The following SHC4 variants were observed in gnomAD, a reference collection of about 807,000 sequenced individuals.
SHC4 encodes the protein SHC adaptor protein 4.
SHC4 carries 41 observed loss-of-function variants against 69.4 expected under a neutral mutation model. The ratio of observed to expected loss-of-function variants is 0.59; its 90% CI spans 0.46 to 0.77. The LOEUF (loss-of-function observed/expected upper bound fraction) is 0.77. SHC4 is among the 30% of genes least tolerant of loss of function. The pLI, the probability that SHC4 is intolerant of heterozygous loss-of-function variation, is 0.00. For missense variants in SHC4, 777 were observed against 783.8 expected, an observed-to-expected ratio of 0.99 and a Z score of 0.10; for synonymous variants, 318 against 299.3, an observed-to-expected ratio of 1.06 and a Z score of -0.64.
intron 4 of SHC4, among the ~76,000 whole-genome samples, chr15:48,872,420 A>G (rs754840394): frequency 4.4e-4 from 67 of 152,314 alleles, no homozygotes; most frequent in Middle Eastern, 6.8e-3. Context: ...AGAGCCAATC[A>G]ATGTATTTTG....
chr15:48,861,166 G>T (rs567135234), intron 6 of SHC4, among the ~76,000 whole-genome samples: 1 of 152,094 alleles, frequency 6.6e-6, no homozygotes, highest in Non-Finnish European at 1.5e-5. Context: ...GTCTCACTAC[G>T]TTGCTCAGAC....
chr15:48,955,959 G>C (rs1441210537), intron 1 of SHC4, among the ~76,000 whole-genome samples: 1 of 152,130 alleles, frequency 6.6e-6, no homozygotes, highest in Non-Finnish European at 1.5e-5. Flanking sequence ...GAAGTGTGTG[G>C]ACTCACTGAT....
At chr15:48,920,565 G>A (rs1900733092) in intron 2 of SHC4, among the ~76,000 whole-genome samples, 3 of 151,912 alleles carry the variant, frequency 2.0e-5, no homozygotes, top group Admixed American at 6.6e-5. Context: ...ATGAGCCACC[G>A]CGCCCGGCCA....
At chr15:48,917,314 GTGTTTT>G (rs1323776369) in intron 2 of SHC4, among the ~76,000 whole-genome samples, 2 of 150,640 alleles carry the variant, frequency 1.3e-5, no homozygotes, top group African/African-American at 4.9e-5. Flanking sequence ...TTTAGGTCAG[GTGTTTT>G]TGTTGTTGTT....
intron 6 of SHC4, among the ~76,000 whole-genome samples, chr15:48,867,440 C>A (rs1899585032): frequency 6.6e-6 from 1 of 152,122 alleles, no homozygotes; most frequent in South Asian, 2.1e-4. Context: ...GACACACACA[C>A]AGACACACAC....
At chr15:48,949,623 T>A (rs1324924022) in intron 1 of SHC4, among the ~76,000 whole-genome samples, 1 of 152,054 alleles carries the variant, frequency 6.6e-6, no homozygotes, top group African/African-American at 2.4e-5. Context: ...TTAAGACTTG[T>A]TATAATCTGG....
chr15:48,838,196 G>C (rs551927915), intron 10 of SHC4, among the ~76,000 whole-genome samples: 2 of 152,116 alleles, frequency 1.3e-5, no homozygotes, highest in African/African-American at 4.8e-5. Flanking sequence ...GGTATACAAG[G>C]GGATTATTAT....
intron 4 of SHC4, chr15:48,878,295 T>A (rs1899862190): frequency 6.2e-7 from 1 of 1,613,626 alleles, no homozygotes; most frequent in African/African-American, 1.3e-5. Context: ...AGCCGGGAGC[T>A]ATCCCTGCGT....
chr15:48,872,052 T>G (rs765800343), intron 5 of SHC4, 37 bp downstream of exon 5: 35 of 1,362,160 alleles, frequency 2.6e-5, no homozygotes, highest in Non-Finnish European at 3.5e-5. Context: ...GAAGTTATTT[T>G]AACTCATAAA....
At chr15:48,844,492 TC>T (rs1211087413) in intron 9 of SHC4, among the ~76,000 whole-genome samples, 1 of 152,154 alleles carries the variant, frequency 6.6e-6, no homozygotes. Context: ...ATTAACATGC[TC>T]TTCACTCCTT....
chr15:48,961,689 G>A (rs116389551), intron 1 of SHC4, among the ~76,000 whole-genome samples: 2 of 152,180 alleles, frequency 1.3e-5, no homozygotes, highest in Non-Finnish European at 2.9e-5. Flanking sequence ...TATTATCTTA[G>A]TATTTCGCAT....
At chr15:48,924,790 T>C (rs753190567) in intron 2 of SHC4, 89 bp downstream of exon 2, 15 of 1,370,838 alleles carry the variant, frequency 1.1e-5, no homozygotes, top group Non-Finnish European at 1.6e-5. Flanking sequence ...GCATAATGAA[T>C]TGGAAGGTTT....
chr15:48,890,943 C>A, intron 2 of SHC4, 132 bp from the exon 3 acceptor site: 1 of 929,664 alleles, frequency 1.1e-6, no homozygotes, highest in South Asian at 1.5e-5. Context: ...AAATGGTATT[C>A]TCCCAGCCCC....
intron 2 of SHC4, among the ~76,000 whole-genome samples, chr15:48,893,806 A>G (rs2141007553): frequency 6.6e-6 from 1 of 152,340 alleles, no homozygotes; most frequent in Admixed American, 6.5e-5. Flanking sequence ...AAAAGTTGAC[A>G]AATGTCAAAA....
chr15:48,932,991 G>T (rs1173925656), intron 1 of SHC4, among the ~76,000 whole-genome samples: 2 of 152,088 alleles, frequency 1.3e-5, no homozygotes, highest in African/African-American at 4.8e-5. Context: ...AATATTAACT[G>T]CTCTTTCAAA....
At chr15:48,935,746 T>C (rs978536970) in intron 1 of SHC4, among the ~76,000 whole-genome samples, 12 of 151,924 alleles carry the variant, frequency 7.9e-5, no homozygotes, top group African/African-American at 1.5e-4. Flanking sequence ...TGCCCTGGAA[T>C]AGGGAAGCAA....
intron 9 of SHC4, among the ~76,000 whole-genome samples, chr15:48,844,390 C>T (rs546954013): frequency 1.3e-5 from 2 of 152,192 alleles, no homozygotes; most frequent in African/African-American, 4.8e-5. Flanking sequence ...GTCTACCCAG[C>T]TACCCTTCTT....
chr15:48,908,140 G>C (rs1408828988), intron 2 of SHC4, among the ~76,000 whole-genome samples: 1 of 152,078 alleles, frequency 6.6e-6, no homozygotes, highest in Non-Finnish European at 1.5e-5. Flanking sequence ...GTTTTCCATA[G>C]TGGCTGTACT....
intron 1 of SHC4, among the ~76,000 whole-genome samples, chr15:48,952,852 G>T (rs1343993697): frequency 1.3e-5 from 2 of 152,240 alleles, no homozygotes; most frequent in African/African-American, 4.8e-5. Flanking sequence ...GTGGAAGATA[G>T]TGTGGTAATT....
Sources: allele counts gnomAD v4.1 joint callset (sites outside exome capture counted in the v4.1 genomes callset), GRCh38; gene constraint gnomAD v4.1.1; transcripts MANE v1.5; gene names NCBI Gene and HGNC (gene_info 2026-07-23, HGNC 2026-07-21).